The following ADAMTS16 variants were observed in gnomAD, a reference collection of about 807,000 sequenced individuals.
The protein encoded by ADAMTS16 is ADAM metallopeptidase with thrombospondin type 1 motif 16.
In ADAMTS16, 94 loss-of-function variants were observed where a neutral mutation model predicts 145.8. The ratio of observed to expected loss-of-function variants is 0.64; its 90% CI spans 0.55 to 0.77. The LOEUF is 0.77. Among genes scored for constraint, ADAMTS16 ranks in the 30% least tolerant of loss-of-function variants. ADAMTS16 has a pLI of 0.00. For missense variants in ADAMTS16, 1,585 were observed against 1,591.5 expected (o/e 1.00, Z 0.07); for synonymous variants, 659 against 604.3 (o/e 1.09, Z -1.33).
rs1740267899 is a variant in ADAMTS16, at chr5:5,308,271, C to T, written c.3411+1543C>T. Among the ~76,000 whole-genome samples, 3 of 152,234 alleles carry T rather than the reference C, an allele frequency of 2.0e-5. No individual in the cohort carries two copies. In the South Asian group the frequency reaches 6.2e-4, roughly 32 times the overall value. On this transcript the variant is annotated intron_variant, in intron 21 of 22. Coordinates refer to ENST00000274181, the MANE Select transcript of ADAMTS16 (RefSeq NM_139056.4). ...TCTTTGCCTGTCTCCAAAGACATTT[C>T]CCAAGTGATCAGCGTGGTGTCTGGT...
intron 2 of ADAMTS16, among the ~76,000 whole-genome samples, chr5:5,143,879 A>G (rs1488380580): frequency 2.0e-5 from 3 of 152,172 alleles, no homozygotes; most frequent in African/African-American, 7.2e-5. Context: ...CTAACACAGG[A>G]ACAGAAAACC....
intron 3 of ADAMTS16, among the ~76,000 whole-genome samples, chr5:5,156,591 C>T (rs545877027): frequency 1.3e-5 from 2 of 152,272 alleles, no homozygotes; most frequent in Admixed American, 6.5e-5. Context: ...GACATTCCTC[C>T]CCCATGGTAG....
At position 5,239,665 on chromosome 5, in the gene ADAMTS16, C is replaced by T; in HGVS notation, c.2279-16C>T. ...CTGGAATGAAAAGCTGTATCTTCCC[C>T]ATTTCCTTTATCTAGAGTATTATCA... On this transcript the variant is annotated splice_polypyrimidine_tract_variant and intron_variant, in intron 15 of 22. Coordinates refer to ENST00000274181, the MANE Select transcript of ADAMTS16 (RefSeq NM_139056.4). 6.2e-6 allele frequency: 10 copies of T among 1,610,758 alleles called. No homozygotes were observed. Among genetic ancestry groups the T allele is most frequent in the Non-Finnish European group, 8.5e-6 (10 of 1,177,150 alleles).
chr5:5,296,911 C>A (rs776132041), intron 18 of ADAMTS16, among the ~76,000 whole-genome samples: 13 of 152,114 alleles, frequency 8.5e-5, no homozygotes, highest in Non-Finnish European at 1.5e-4. Context: ...TAGTAGAAAC[C>A]GTTGGCTCAA....
chr5:5,247,350 A>AC (rs5865600), intron 17 of ADAMTS16, among the ~76,000 whole-genome samples: 4,638 of 151,004 alleles, frequency 0.031, 91 homozygotes, highest in Middle Eastern at 0.051. Context: ...AAAATATATT[A>AC]CCCCCCCGCC....
chr5:5,188,023 A>G (rs1373500991), intron 6 of ADAMTS16, among the ~76,000 whole-genome samples: 1 of 152,134 alleles, frequency 6.6e-6, no homozygotes, highest in African/African-American at 2.4e-5. Context: ...GTGGTAAGAA[A>G]TTATCCTTTA....
At chr5:5,247,223 C>G (rs1737474182) in intron 17 of ADAMTS16, among the ~76,000 whole-genome samples, 1 of 152,104 alleles carries the variant, frequency 6.6e-6, no homozygotes, top group Admixed American at 6.5e-5. Flanking sequence ...GGGTTGGGTC[C>G]CAGAGTTCAA....
intron 18 of ADAMTS16, among the ~76,000 whole-genome samples, chr5:5,274,111 T>C (rs538476863): frequency 3.9e-5 from 6 of 152,240 alleles, no homozygotes; most frequent in African/African-American, 1.4e-4. Flanking sequence ...CATTCCCATA[T>C]ATTTCCTAGG....
chr5:5,185,284 G>A (rs996509238), intron 4 of ADAMTS16, among the ~76,000 whole-genome samples: 1 of 152,184 alleles, frequency 6.6e-6, no homozygotes, highest in South Asian at 2.1e-4. Context: ...CATAGATTTT[G>A]TGTGCATGCC....
At chr5:5,268,541 C>T (rs1254700411) in intron 18 of ADAMTS16, among the ~76,000 whole-genome samples, 4 of 152,180 alleles carry the variant, frequency 2.6e-5, no homozygotes, top group Non-Finnish European at 4.4e-5. Flanking sequence ...AAATGGTCTC[C>T]CCTGATTCGG....
At chr5:5,214,593 A>G in intron 10 of ADAMTS16, among the ~76,000 whole-genome samples, 1 of 152,088 alleles carries the variant, frequency 6.6e-6, no homozygotes, top group African/African-American at 2.4e-5. Context: ...TTGTTGAGAC[A>G]GTGTTTCACC....
At chr5:5,261,090 G>C (rs532410830) in intron 17 of ADAMTS16, among the ~76,000 whole-genome samples, 1 of 152,098 alleles carries the variant, frequency 6.6e-6, no homozygotes, top group African/African-American at 2.4e-5. Context: ...TGAATATATT[G>C]TGTGTTAATA....
At chr5:5,302,485 A>G (rs12521610) in intron 18 of ADAMTS16, among the ~76,000 whole-genome samples, 112,375 of 152,088 alleles carry the variant, frequency 0.74, 41,938 homozygotes, top group South Asian at 0.82. Context: ...GAGGACAGAG[A>G]AACACAAGAA....
intron 18 of ADAMTS16, among the ~76,000 whole-genome samples, chr5:5,287,599 T>C (rs1449398087): frequency 1.3e-5 from 2 of 152,208 alleles, no homozygotes; most frequent in Non-Finnish European, 2.9e-5. Flanking sequence ...GATCCAATGA[T>C]GTGACCAAGA....
intron 11 of ADAMTS16, chr5:5,223,164 T>A (rs914664312): frequency 3.8e-5 from 16 of 425,328 alleles, no homozygotes; most frequent in Non-Finnish European, 6.0e-5. Flanking sequence ...GGGGAAACAT[T>A]AAGCCATTGA....
At position 5,157,662 on chromosome 5, in the gene ADAMTS16, C is replaced by T. The variant is rs532116720; in HGVS notation, c.501+11207C>T. Reference sequence around the variant, plus strand: ...GTGATTTCTTTTAGTATCCAAAATCCGTGAGAAGTAATTGTCTCAATAACC... The same window carrying T: ...GTGATTTCTTTTAGTATCCAAAATCTGTGAGAAGTAATTGTCTCAATAACC... On this transcript the variant is annotated intron_variant, in intron 3 of 22. Coordinates refer to ENST00000274181, the MANE Select transcript of ADAMTS16 (RefSeq NM_139056.4). 8.5e-5 allele frequency among the ~76,000 whole-genome samples: 13 copies of T among 152,180 alleles called. No homozygotes were observed. In the East Asian group the frequency reaches 1.5e-3, roughly 18 times the overall value.
chr5:5,288,234 G>C (rs1300858024), intron 18 of ADAMTS16, among the ~76,000 whole-genome samples: 1 of 152,154 alleles, frequency 6.6e-6, no homozygotes, highest in Non-Finnish European at 1.5e-5. Flanking sequence ...AATCCTCCGT[G>C]ATTTAAATTG....
chr5:5,311,512 T>C (rs759804549), intron 21 of ADAMTS16, among the ~76,000 whole-genome samples: 1 of 150,782 alleles, frequency 6.6e-6, no homozygotes, highest in Non-Finnish European at 1.5e-5. Context: ...CGGGTGTGCA[T>C]GTGTGAGACG....
At chr5:5,162,744 G>GGAGAA (rs747345031) in intron 3 of ADAMTS16, among the ~76,000 whole-genome samples, 10 of 130,138 alleles carry the variant, frequency 7.7e-5, no homozygotes, top group Non-Finnish European at 1.6e-4. Context: ...GAGAGAGAGA[G>GGAGAA]GAGAAGAGAA....
Sources: allele counts gnomAD v4.1 joint callset (sites outside exome capture counted in the v4.1 genomes callset), GRCh38; gene constraint gnomAD v4.1.1; transcripts MANE v1.5; gene names NCBI Gene and HGNC (gene_info 2026-07-23, HGNC 2026-07-21).